Variants in KIF22 observed in about 807,000 individuals in gnomAD.
The protein encoded by KIF22 is kinesin-like protein KIF22.
Under a neutral mutation model 73.0 loss-of-function variants are expected in KIF22, and 62 were observed. That is an observed-to-expected ratio of 0.85 (90% CI 0.69 to 1.05). The LOEUF is 1.05. Ranked by LOEUF, KIF22 falls within the 50% of genes least tolerant of loss-of-function variation. The pLI, the probability that KIF22 is intolerant of heterozygous loss-of-function variation, is 0.00. For missense variants in KIF22, 854 were observed against 870.1 expected, an observed-to-expected ratio of 0.98 and a Z score of 0.23; for synonymous variants, 411 against 340.1, an observed-to-expected ratio of 1.21 and a Z score of -2.29.
chr16:29,798,771 G>C lies in KIF22; in HGVS notation c.549+24G>C. On this transcript the variant is annotated intron_variant, in intron 4 of 13. Coordinates refer to ENST00000160827, the MANE Select transcript of KIF22 (RefSeq NM_007317.3). The surrounding 1 kb of genome is among the most constrained non-coding windows in gnomAD (Gnocchi z 4.1). ...AGGTGAGGCCCCGTGCTGGTTGGGA[G>C]AGGAGCAACAAAGGGTCAAAGTAAG... The C allele has an allele frequency of 1.2e-6, 2 of 1,609,400 alleles. No individual in the cohort carries two copies. The highest frequency in any genetic ancestry group is 1.3e-5 in the African/African-American group (1 of 74,910).
At position 29,796,936 on chromosome 16, in the gene KIF22, T is replaced by C. The variant is rs1286266845; in HGVS notation, c.114T>C (p.Arg38=). 6.2e-7 allele frequency: 1 copy of C among 1,614,130 alleles called. No homozygotes were observed. Among genetic ancestry groups the C allele is most frequent in the South Asian group, 1.1e-5 (1 of 91,082 alleles). ...CRLSKIGATR[R]PPPARVRVAV... is the part of the protein sequence containing the mutation. ...TAAGCAAGATTGGAGCTACTCGTCG[T>C]CCACCTCCAGCTCGCGTAAGGGTGG... Residue 38 remains arginine, a synonymous_variant, in exon 2 of 14, where the codon CGT becomes CGC. Transcript: ENST00000160827.
intron 1 of KIF22, among the ~76,000 whole-genome samples, chr16:29,795,370 G>A (rs549521333): frequency 6.6e-6 from 1 of 152,330 alleles, no homozygotes; most frequent in African/African-American, 2.4e-5. Flanking sequence ...TTACTTAGGT[G>A]TAAGATTCTT....
Position 29,804,724 on chromosome 16 carries a change from G to A in KIF22, c.1678-90G>A, listed in dbSNP as rs553125005. On this transcript the variant is annotated intron_variant, in intron 11 of 13. Coordinates refer to ENST00000160827, the MANE Select transcript of KIF22 (RefSeq NM_007317.3). ...AAGAGAGGAAGAGGCTGGAGCGCAGGAGGTAGCTGGTGCTGGGCTCCTAGT... is the reference window on the plus strand; with the variant it reads ...AAGAGAGGAAGAGGCTGGAGCGCAGAAGGTAGCTGGTGCTGGGCTCCTAGT... 174 of 993,738 alleles carry A rather than the reference G, an allele frequency of 1.8e-4. 1 individual carries two copies. The South Asian group carries it at 2.3e-3, about 13-fold the overall frequency. 61.6% of individuals were successfully genotyped at this position (993,738 alleles called of 1,614,324 possible).
chr16:29,805,210 T>TGCGCCCC (rs1224785711), intron 13 of KIF22, 36 bp downstream of exon 13: 15 of 1,613,978 alleles, frequency 9.3e-6, no homozygotes, highest in Non-Finnish European at 1.3e-5. Context: ...CTGCCTGTCC[T>TGCGCCCC]GCGCCCCGCG....
At position 29,805,044 on chromosome 16, in the gene KIF22, TGGGGGAGGGCGGGGGC is replaced by T; in HGVS notation, c.1890+26_1890+41del. ...TCAGCCAGGTAGCAGCCCACTGGAC[TGGGGGAGGGCGGGGGC>T]GGGGGAGACCGGGTACCCCCGAGAC... is the stretch of plus-strand genomic sequence containing the variant. On this transcript the variant is annotated intron_variant, in intron 12 of 13. Transcript: ENST00000160827. The T allele has an allele frequency of 1.5e-6, 1 of 653,048 alleles. No individual in the cohort carries two copies. The allele number at this position is 653,048 out of a possible 1,614,324, so 40.5% of individuals were successfully genotyped here.
intron 1 of KIF22, among the ~76,000 whole-genome samples, chr16:29,791,897 G>T (rs1036032500): frequency 6.6e-6 from 1 of 152,144 alleles, no homozygotes; most frequent in African/African-American, 2.4e-5. Context: ...GTGCATGGTA[G>T]ATATGAAAAT....
chr16:29,804,738 T>C, intron 11 of KIF22, 76 bp from the exon 12 acceptor site: 1 of 1,202,020 alleles, frequency 8.3e-7, no homozygotes, highest in Admixed American at 2.0e-5. Context: ...TAGCTGGTGC[T>C]GGGCTCCTAG....
At chr16:29,804,109 TAAGGGGGAGTAGGCTC>T (rs1567362365) in intron 11 of KIF22, 44 bp downstream of exon 11, 4 of 1,485,102 alleles carry the variant, frequency 2.7e-6, no homozygotes, top group Non-Finnish European at 3.8e-6. Context: ...AGCCCAGAAG[TAAGGGGGAGTAGGCTC>T]TAGGGGGAGG....
At position 29,798,862 on chromosome 16, in the gene KIF22, A is replaced by C; in HGVS notation, c.550-113A>C. ...TAAGGTGAGACCTAGAAAGACAGAG[A>C]CTGGGGTAGCAGATGGTACAACTCC... is the stretch of plus-strand genomic sequence containing the variant. On this transcript the variant is annotated intron_variant, in intron 4 of 13. Transcript: ENST00000160827. The surrounding 1 kb of genome is among the most constrained non-coding windows in gnomAD (Gnocchi z 4.1). The C allele has an allele frequency of 6.5e-7, 1 of 1,532,244 alleles. No homozygotes were observed. 94.9% of individuals were successfully genotyped at this position (1,532,244 alleles called of 1,614,324 possible). A position where few individuals can be genotyped will look rare whatever the true frequency, so the allele number is the denominator to read the frequency against.
rs989200926 is a variant in KIF22, at chr16:29,797,150, G to A, written c.266+62G>A. 18 of 1,264,500 alleles carry A rather than the reference G, an allele frequency of 1.4e-5. No homozygotes were observed. Among genetic ancestry groups the A allele is most frequent in the South Asian group, 4.3e-5 (3 of 69,110 alleles). 78.3% of individuals were successfully genotyped at this position (1,264,500 alleles called of 1,614,324 possible). A position where few individuals can be genotyped will look rare whatever the true frequency, so the allele number is the denominator to read the frequency against. ...ACCTCCCTCTCCTAGGCCTGCCCAC[G>A]TTCCCCTGCCTCCCCAGGATCCTTG... On this transcript the variant is annotated intron_variant, in intron 2 of 13. Transcript: ENST00000160827. The surrounding 1 kb of genome is among the most constrained non-coding windows in gnomAD (Gnocchi z 4.1).
Position 29,803,448 on chromosome 16 carries a change from G to C in KIF22, c.1450-1G>C. The C allele has an allele frequency of 5.0e-6, 8 of 1,613,984 alleles. No homozygotes were observed. Among genetic ancestry groups the C allele is most frequent in the Non-Finnish European group, 6.8e-6 (8 of 1,179,978 alleles). On this transcript the variant is annotated splice_acceptor_variant, in intron 9 of 13. Coordinates refer to ENST00000160827, the MANE Select transcript of KIF22 (RefSeq NM_007317.3). LOFTEE classifies it high-confidence loss of function. ...CACATCTCCCTGATCCTTTCCAACA[G>C]AGGCTTAAGACGAAGCAAAAAGAAC...
At chr16:29,793,301 G>A (rs1484937420) in intron 1 of KIF22, among the ~76,000 whole-genome samples, 3 of 152,194 alleles carry the variant, frequency 2.0e-5, no homozygotes, top group East Asian at 1.9e-4. Context: ...TTAGCTGGGC[G>A]TGGTGGCGTG....
At position 29,799,942 on chromosome 16, in the gene KIF22, G is replaced by T; in HGVS notation, c.1174G>T (p.Glu392Ter). ...GGGACCTGTTAAGCTGTCTCAGAAA[G>T]AATTGCTTGGTCCACCAGAGGCAAA... ...ALGPVKLSQK[E>*]LLGPPEAKRA... Residue 392 changes from glutamate to a stop codon, truncating the protein, a stop_gained, in exon 8 of 14, where the codon GAA becomes TAA. Transcript: ENST00000160827. LOFTEE classifies it high-confidence loss of function. 1.9e-6 allele frequency: 3 copies of T among 1,614,178 alleles called. No individual in the cohort carries two copies. Among genetic ancestry groups the T allele is most frequent in the Non-Finnish European group, 2.5e-6 (3 of 1,180,020 alleles).
At position 29,803,866 on chromosome 16, in the gene KIF22, C is replaced by T. The variant is rs1246457179; in HGVS notation, c.1610-132C>T. 32 of 739,424 alleles carry T rather than the reference C, an allele frequency of 4.3e-5. No individual in the cohort carries two copies. The East Asian group carries it at 7.6e-4, about 18-fold the overall frequency. The allele number at this position is 739,424 out of a possible 1,614,324, so 45.8% of individuals were successfully genotyped here. A position where few individuals can be genotyped will look rare whatever the true frequency, so the allele number is the denominator to read the frequency against. The stretch of plus-strand genomic sequence containing the variant: ...CTTTAAATGCGGGTATAAAAAAGGT[C>T]ATGTGGAAACACAACAGGTTAACTC... On this transcript the variant is annotated intron_variant, in intron 10 of 13. Transcript: ENST00000160827.
chr16:29,803,954 A>C, intron 10 of KIF22, 44 bp from the exon 11 acceptor site: 1 of 1,487,372 alleles, frequency 6.7e-7, no homozygotes, highest in Non-Finnish European at 9.4e-7. Context: ...GGAGGGTGAA[A>C]AGTACCCTTT....
rs1228520309 is a variant in KIF22 at position 29,799,728 on chromosome 16, G to C, written c.1091G>C (p.Arg364Thr). 1 of 1,613,272 alleles carries C rather than the reference G, an allele frequency of 6.2e-7. No individual in the cohort carries two copies. The highest frequency in any genetic ancestry group is 1.1e-5 in the South Asian group (1 of 90,900). ...GTCTCCGCACTCAACTTTGCTGCCAGGTCCAAGGAGGTGATCAATCGGCCT... is the reference window on the plus strand; with the variant it reads ...GTCTCCGCACTCAACTTTGCTGCCACGTCCAAGGAGGTGATCAATCGGCCT... ...DTVSALNFAA[R>T]SKEVINRPFT... is the part of the protein sequence containing the mutation. Residue 364 changes from arginine to threonine, a missense_variant, in exon 7 of 14, where the codon AGG becomes ACG. Transcript: ENST00000160827.
Position 29,796,916 on chromosome 16 carries a change from A to G in KIF22, c.94A>G (p.Lys32Glu). The G allele has an allele frequency of 6.2e-7, 1 of 1,614,054 alleles. No individual in the cohort carries two copies. Reference protein sequence around the residue: ...ISGAGRCRLSKIGATRRPPPA... With the variant: ...ISGAGRCRLSEIGATRRPPPA... ...AGGAGCTGGTCGCTGTCGGCTAAGC[A>G]AGATTGGAGCTACTCGTCGTCCACC... Residue 32 changes from lysine to glutamate, a missense_variant, in exon 2 of 14, where the codon AAG becomes GAG. Lys to Glu is a moderately conservative substitution (Grantham distance 56). This residue lies in a region of KIF22 where 186 missense variants were observed against 152.9 expected (regional missense o/e 1.22). Coordinates refer to ENST00000160827, the MANE Select transcript of KIF22 (RefSeq NM_007317.3).
In KIF22 at chr16:29,805,127, G is replaced by A; in HGVS notation, c.1903G>A (p.Glu635Lys). The A allele has an allele frequency of 1.2e-6, 2 of 1,613,760 alleles. No individual in the cohort carries two copies. The highest frequency in any genetic ancestry group is 1.1e-5 in the South Asian group (1 of 91,074). The change falls in exon 13 of 14, where the codon GAA becomes AAA. Residue 635 changes from glutamate to lysine, a missense_variant. Physicochemically the swap from Glu to Lys is moderately conservative, Grantham distance 56 (BLOSUM62 1). This residue lies in a region of KIF22 where 423 missense variants were observed against 365.4 expected (regional missense o/e 1.16). Coordinates refer to ENST00000160827, the MANE Select transcript of KIF22 (RefSeq NM_007317.3). Reference sequence around the variant, plus strand: ...CCTGTCCCGCCAGGTGGAGGACCTGGAACGCGTGGAGGGCATAACGGGGAA... The same window carrying A: ...CCTGTCCCGCCAGGTGGAGGACCTGAAACGCGTGGAGGGCATAACGGGGAA... ...HGPFSQVEDL[E>K]RVEGITGKQM...
Position 29,797,387 on chromosome 16 carries a change from C to G in KIF22, c.266+299C>G, listed in dbSNP as rs235629. 0.92 allele frequency among the ~76,000 whole-genome samples: 140,054 copies of G among 152,106 alleles called. 65,531 individuals are homozygous for G. Among genetic ancestry groups the G allele is most frequent in the Non-Finnish European group, 1 (67,963 of 68,028 alleles). On this transcript the variant is annotated intron_variant, in intron 2 of 13. Transcript: ENST00000160827. The surrounding 1 kb of genome is among the most constrained non-coding windows in gnomAD (Gnocchi z 4.1). ...CTGGGGGACATATCAGGAGGGTTGGCGGAACACAGACCTGCCAGCCAGCCT... is the reference window on the plus strand; with the variant it reads ...CTGGGGGACATATCAGGAGGGTTGGGGGAACACAGACCTGCCAGCCAGCCT...
Sources: gnomAD v4.1 joint callset for allele counts (sites outside exome capture counted in the v4.1 genomes callset) on GRCh38, gnomAD v4.1.1 for gene constraint, gnomAD v4.1.1 regional missense constraint, Gnocchi (gnomAD v3.1) non-coding constraint, MANE v1.5 for transcripts, NCBI Gene and HGNC (gene_info 2026-07-23, HGNC 2026-07-21) for gene names.